ELMO1: variants seen among roughly 807,000 people sequenced by gnomAD.
The protein encoded by ELMO1 is engulfment and cell motility 1.
A neutral mutation model predicts 98.9 loss-of-function variants in ELMO1; 26 were observed. The observed-to-expected ratio is 0.26, with a 90% CI of 0.19 to 0.36. The LOEUF is 0.36. Among genes scored for constraint, ELMO1 ranks in the 10% least tolerant of loss-of-function variants. ELMO1 has a pLI of 1.00. For synonymous variants in ELMO1, 346 were observed against 346.0 expected, an observed-to-expected ratio of 1.00 and a Z score of 0.00; for missense variants, 627 against 935.2, an observed-to-expected ratio of 0.67 and a Z score of 4.30.
intron 17 of ELMO1, among the ~76,000 whole-genome samples, chr7:36,893,574 G>A (rs991810542): frequency 7.9e-5 from 12 of 152,132 alleles, no homozygotes; most frequent in Non-Finnish European, 1.3e-4. Flanking sequence ...ACAAATGTAC[G>A]GTAGATGTTA....
At chr7:37,321,681 C>T in intron 2 of ELMO1, among the ~76,000 whole-genome samples, 1 of 125,964 alleles carries the variant, frequency 7.9e-6, no homozygotes, top group South Asian at 2.6e-4. Flanking sequence ...CGCGCCACTG[C>T]ACTCTAGCCT....
chr7:37,291,877 T>C (rs1797697135), intron 4 of ELMO1, among the ~76,000 whole-genome samples: 1 of 143,198 alleles, frequency 7.0e-6, no homozygotes, highest in South Asian at 2.6e-4. Context: ...ATCACACCAC[T>C]GCACCGCAGC....
intron 16 of ELMO1, chr7:36,985,800 G>A (rs930893904): frequency 3.3e-6 from 2 of 598,420 alleles, no homozygotes; most frequent in African/African-American, 4.0e-5. Flanking sequence ...GGGAACCCTT[G>A]AATGCCCGCT....
chr7:37,139,287 G>C (rs1787464241), intron 13 of ELMO1, among the ~76,000 whole-genome samples: 1 of 152,182 alleles, frequency 6.6e-6, no homozygotes, highest in Admixed American at 6.5e-5. Context: ...AATTGTCACT[G>C]TTTGCTGATG....
chr7:37,400,914 T>C (rs1041506323), intron 1 of ELMO1, among the ~76,000 whole-genome samples: 1 of 152,170 alleles, frequency 6.6e-6, no homozygotes, highest in Non-Finnish European at 1.5e-5. Flanking sequence ...AGGCAAAAAA[T>C]CCTAGGGATT....
At chr7:37,085,381 T>C (rs1419562337) in intron 15 of ELMO1, among the ~76,000 whole-genome samples, 3 of 152,216 alleles carry the variant, frequency 2.0e-5, no homozygotes, top group African/African-American at 7.2e-5. Flanking sequence ...TATATTTTGG[T>C]TTTGAAAACT....
intron 16 of ELMO1, among the ~76,000 whole-genome samples, chr7:37,000,648 G>GT (rs1792598973): frequency 6.6e-6 from 1 of 152,194 alleles, no homozygotes; most frequent in African/African-American, 2.4e-5. Flanking sequence ...GCACAAGCAC[G>GT]TATTTCCTAG....
chr7:37,420,156 C>T (rs901121240), intron 1 of ELMO1, among the ~76,000 whole-genome samples: 3 of 152,046 alleles, frequency 2.0e-5, no homozygotes, highest in African/African-American at 7.2e-5. Context: ...TACCAATAGC[C>T]AAATGGCCTC....
chr7:37,094,201 C>T (rs1170221750), intron 15 of ELMO1, among the ~76,000 whole-genome samples: 3 of 152,180 alleles, frequency 2.0e-5, no homozygotes, highest in African/African-American at 4.8e-5. Flanking sequence ...CCTCAGCTGT[C>T]CAAGCCCAGT....
intron 16 of ELMO1, among the ~76,000 whole-genome samples, chr7:36,920,805 A>G (rs1785088412): frequency 6.6e-6 from 1 of 152,058 alleles, no homozygotes; most frequent in Non-Finnish European, 1.5e-5. Flanking sequence ...TAACTCTCCC[A>G]CAAGTCACTC....
At chr7:36,917,107 C>T (rs1389805232) in intron 16 of ELMO1, among the ~76,000 whole-genome samples, 4 of 152,228 alleles carry the variant, frequency 2.6e-5, no homozygotes, top group African/African-American at 9.6e-5. Context: ...GCAAATAATA[C>T]TTGGTTGCTT....
At chr7:36,895,500 C>T (rs932519895) in intron 16 of ELMO1, among the ~76,000 whole-genome samples, 1 of 152,234 alleles carries the variant, frequency 6.6e-6, no homozygotes, top group African/African-American at 2.4e-5. Context: ...TCCCAGACTG[C>T]TTTCGCCATG....
intron 2 of ELMO1, among the ~76,000 whole-genome samples, chr7:37,339,627 T>A (rs968467250): frequency 2.0e-5 from 3 of 152,184 alleles, no homozygotes; most frequent in Non-Finnish European, 4.4e-5. Context: ...ATACTTCTAA[T>A]TCTTGTGCCA....
At chr7:37,224,441 C>A (rs889386676) in intron 9 of ELMO1, among the ~76,000 whole-genome samples, 1 of 152,122 alleles carries the variant, frequency 6.6e-6, no homozygotes, top group Non-Finnish European at 1.5e-5. Flanking sequence ...AAGAAAGAAG[C>A]CTGCCTTTAA....
chr7:37,260,746 CAGAAATT>C (rs1795935929), intron 5 of ELMO1, among the ~76,000 whole-genome samples: 1 of 152,076 alleles, frequency 6.6e-6, no homozygotes, highest in Admixed American at 6.6e-5. Context: ...CACGTTGCAT[CAGAAATT>C]AGAAAAGAAG....
At chr7:37,138,881 C>A (rs375643897) in intron 13 of ELMO1, among the ~76,000 whole-genome samples, 4 of 152,316 alleles carry the variant, frequency 2.6e-5, no homozygotes, top group Middle Eastern at 6.8e-3. Context: ...CCACCATGAT[C>A]AAGTGGGTTT....
chr7:37,154,256 T>C (rs553950288), intron 13 of ELMO1, among the ~76,000 whole-genome samples: 264 of 152,242 alleles, frequency 1.7e-3, no homozygotes, highest in African/African-American at 5.7e-3. Flanking sequence ...GCACCTCTTC[T>C]CCTCCAAAGG....
intron 14 of ELMO1, among the ~76,000 whole-genome samples, chr7:37,119,490 T>C (rs1034947615): frequency 1.4e-4 from 22 of 152,210 alleles, no homozygotes; most frequent in African/African-American, 3.9e-4. Flanking sequence ...AATCATTATT[T>C]CTCCCAACTA....
intron 16 of ELMO1, among the ~76,000 whole-genome samples, chr7:36,963,487 T>A (rs1789146674): frequency 6.6e-6 from 1 of 152,158 alleles, no homozygotes; most frequent in Admixed American, 6.5e-5. Flanking sequence ...AAAGTTGGGA[T>A]AGTGTGATAC....
Sources: allele counts gnomAD v4.1 joint callset (sites outside exome capture counted in the v4.1 genomes callset), GRCh38; gene constraint gnomAD v4.1.1; transcripts MANE v1.5; gene names NCBI Gene and HGNC (gene_info 2026-07-23, HGNC 2026-07-21).